The following SRFBP1 variants were observed in gnomAD, a reference collection of about 807,000 sequenced individuals.
SRFBP1 encodes serum response factor-binding protein 1.
In SRFBP1, 47 loss-of-function variants were observed where a neutral mutation model predicts 45.5. The ratio of observed to expected loss-of-function variants is 1.03; its 90% CI spans 0.82 to 1.32. SRFBP1 has a LOEUF of 1.32. Among genes scored for constraint, SRFBP1 ranks in the 40% most tolerant of loss-of-function variants. The pLI, the probability that SRFBP1 is intolerant of heterozygous loss-of-function variation, is 0.00. For missense variants in SRFBP1, 621 were observed against 484.6 expected, an observed-to-expected ratio of 1.28 and a Z score of -2.64; for synonymous variants, 203 against 166.3, an observed-to-expected ratio of 1.22 and a Z score of -1.70.
chr5:122,010,990 G>C lies in SRFBP1; in HGVS notation c.271-8270G>C, dbSNP rs113343939. 2.1e-3 allele frequency among the ~76,000 whole-genome samples: 320 copies of C among 152,122 alleles called. 1 individual carries two copies. The highest frequency in any genetic ancestry group is 7.4e-3 in the African/African-American group (309 of 41,538). ...ATGTTTAGTTAGCCCCAATTCTCGT[G>C]ATACAGCCAAATGGACTGTTTGCTG... On this transcript the variant is annotated intron_variant, in intron 4 of 7. Coordinates refer to ENST00000339397, the MANE Select transcript of SRFBP1 (RefSeq NM_152546.3).
intron 1 of SRFBP1, among the ~76,000 whole-genome samples, chr5:121,962,462 G>A (rs1250456751): frequency 1.3e-5 from 2 of 152,164 alleles, no homozygotes; most frequent in African/African-American, 4.8e-5. Context: ...TTTATTGCCT[G>A]TCGAAAATGA....
At chr5:122,008,914 G>A (rs773511851) in intron 4 of SRFBP1, among the ~76,000 whole-genome samples, 3 of 151,968 alleles carry the variant, frequency 2.0e-5, no homozygotes, top group Admixed American at 1.3e-4. Context: ...ATGAAATAAC[G>A]TGAGTTTTGG....
chr5:122,070,663 G>A (rs1754424604), intron 2 of SRFBP1: 2 of 749,828 alleles, frequency 2.7e-6, no homozygotes, highest in South Asian at 1.9e-5. Context: ...GCTATTATTT[G>A]CAAATTAAAT....
intron 3 of SRFBP1, among the ~76,000 whole-genome samples, chr5:121,985,177 TA>T (rs1441269629): frequency 6.6e-5 from 10 of 151,814 alleles, no homozygotes; most frequent in African/African-American, 2.4e-4. Context: ...AAGATGCTGA[TA>T]GGCACATTGG....
chr5:121,994,539 TTAA>T (rs960164305), intron 3 of SRFBP1, 57 bp from the exon 4 acceptor site: 73 of 1,130,948 alleles, frequency 6.5e-5, no homozygotes, highest in Non-Finnish European at 8.5e-5. Flanking sequence ...GGAAAGGAAC[TTAA>T]TAATAGTGAT....
At chr5:121,978,923 C>G (rs1160377602) in intron 3 of SRFBP1, among the ~76,000 whole-genome samples, 1 of 152,132 alleles carries the variant, frequency 6.6e-6, no homozygotes, top group Non-Finnish European at 1.5e-5. Context: ...TACTTCTCCT[C>G]TAGTTTAAAA....
intron 2 of SRFBP1, among the ~76,000 whole-genome samples, chr5:122,047,786 G>C (rs1753892450): frequency 6.6e-6 from 1 of 152,046 alleles, no homozygotes; most frequent in Admixed American, 6.6e-5. Context: ...TGGATTCCTA[G>C]GTATTTTATT....
intron 3 of SRFBP1, among the ~76,000 whole-genome samples, chr5:121,978,512 G>A (rs957992057): frequency 3.3e-5 from 5 of 151,778 alleles, no homozygotes; most frequent in African/African-American, 9.7e-5. Flanking sequence ...TTTTACTTGA[G>A]ATGGAGTCTC....
intron 1 of SRFBP1, among the ~76,000 whole-genome samples, chr5:121,969,676 G>A (rs928803813): frequency 8.5e-5 from 13 of 152,052 alleles, no homozygotes; most frequent in African/African-American, 7.2e-5. Context: ...TATTCGCTGG[G>A]TATGTAAGTC....
At chr5:122,072,213 C>A (rs1754471734) in intron 2 of SRFBP1, among the ~76,000 whole-genome samples, 2 of 152,046 alleles carry the variant, frequency 1.3e-5, no homozygotes, top group Non-Finnish European at 2.9e-5. Context: ...ACAAAAGAGC[C>A]TTAAAAATGC....
intron 3 of SRFBP1, among the ~76,000 whole-genome samples, chr5:121,978,950 T>C (rs150942392): frequency 6.9e-4 from 105 of 152,336 alleles, no homozygotes; most frequent in African/African-American, 2.3e-3. Flanking sequence ...CCTTTTGTTC[T>C]ATTCTTCCCC....
At chr5:122,012,635 A>AT (rs1452265032) in intron 4 of SRFBP1, among the ~76,000 whole-genome samples, 3 of 152,144 alleles carry the variant, frequency 2.0e-5, no homozygotes, top group Non-Finnish European at 4.4e-5. Context: ...TGGCAGCTAA[A>AT]TATAAGGAAT....
intron 2 of SRFBP1, among the ~76,000 whole-genome samples, chr5:122,071,239 C>A (rs979518169): frequency 1.3e-5 from 2 of 151,422 alleles, no homozygotes; most frequent in Non-Finnish European, 2.9e-5. Context: ...TCAATTTTCA[C>A]AACTACATGA....
chr5:122,012,293 A>C (rs926029026), intron 4 of SRFBP1, among the ~76,000 whole-genome samples: 1 of 152,116 alleles, frequency 6.6e-6, no homozygotes, highest in African/African-American at 2.4e-5. Flanking sequence ...ATTAGGAATA[A>C]AATTAGAAGC....
chr5:122,018,305 T>C (rs1753227689), intron 4 of SRFBP1, among the ~76,000 whole-genome samples: 1 of 152,118 alleles, frequency 6.6e-6, no homozygotes. Flanking sequence ...CAGGCATAAG[T>C]TTAATTATGT....
At chr5:121,982,565 C>T (rs115519030) in intron 3 of SRFBP1, among the ~76,000 whole-genome samples, 3,157 of 151,806 alleles carry the variant, frequency 0.021, 112 homozygotes, top group African/African-American at 0.072. Context: ...TGAAAAATAA[C>T]GATAGTATGT....
chr5:121,964,651 C>T (rs1487533339), intron 1 of SRFBP1, among the ~76,000 whole-genome samples: 1 of 152,170 alleles, frequency 6.6e-6, no homozygotes, highest in Non-Finnish European at 1.5e-5. Flanking sequence ...CCACAATAAA[C>T]ATACATGTGC....
chr5:121,992,619 A>G (rs560267081), intron 3 of SRFBP1, among the ~76,000 whole-genome samples: 29 of 152,204 alleles, frequency 1.9e-4, no homozygotes, highest in South Asian at 8.3e-4. Context: ...AGCCTAGCAC[A>G]CAATGTGTAA....
At chr5:121,975,656 T>C (rs968996402) in intron 3 of SRFBP1, among the ~76,000 whole-genome samples, 2 of 152,010 alleles carry the variant, frequency 1.3e-5, no homozygotes, top group African/African-American at 4.8e-5. Flanking sequence ...TAATAATGCC[T>C]CCTGCCTCAG....
Sources: allele counts gnomAD v4.1 joint callset (sites outside exome capture counted in the v4.1 genomes callset), GRCh38; gene constraint gnomAD v4.1.1; transcripts MANE v1.5; gene names NCBI Gene and HGNC (gene_info 2026-07-23, HGNC 2026-07-21).